ZFYVE28: variants seen among roughly 807,000 people sequenced by gnomAD.
ZFYVE28 encodes the protein zinc finger FYVE-type containing 28, also known as lateral signaling target protein 2 homolog.
Under a neutral mutation model 82.1 loss-of-function variants are expected in ZFYVE28, and 40 were observed. That is an observed-to-expected ratio of 0.49 (90% CI 0.38 to 0.63). The LOEUF is 0.63. ZFYVE28 is among the 30% of genes least tolerant of loss of function. ZFYVE28 has a pLI of 0.00. For missense variants in ZFYVE28, 1,321 were observed against 1,242.1 expected (o/e 1.06, Z -0.96); for synonymous variants, 612 against 546.1 (o/e 1.12, Z -1.68).
At chr4:2,303,113 A>G (rs1715850145) in intron 8 of ZFYVE28, among the ~76,000 whole-genome samples, 1 of 152,178 alleles carries the variant, frequency 6.6e-6, no homozygotes, top group Non-Finnish European at 1.5e-5. Context: ...ACCGGGAACC[A>G]GGCCCAGCCC....
intron 1 of ZFYVE28, among the ~76,000 whole-genome samples, chr4:2,358,641 T>C (rs1725684166): frequency 6.6e-6 from 1 of 152,194 alleles, no homozygotes; most frequent in Non-Finnish European, 1.5e-5. Context: ...CTGCCAGGCC[T>C]GCTCACTGGT....
At chr4:2,374,822 T>C (rs1296086579) in intron 1 of ZFYVE28, among the ~76,000 whole-genome samples, 2 of 152,224 alleles carry the variant, frequency 1.3e-5, no homozygotes, top group African/African-American at 2.4e-5. Flanking sequence ...TTGATGTTCT[T>C]TCTAGAAAGT....
At chr4:2,333,477 A>G (rs1721055908) in intron 6 of ZFYVE28, among the ~76,000 whole-genome samples, 1 of 151,868 alleles carries the variant, frequency 6.6e-6, no homozygotes, top group Admixed American at 6.6e-5. Context: ...GTACTCGGGC[A>G]AACACGGGCA....
At chr4:2,375,040 T>G (rs771196099) in intron 1 of ZFYVE28, among the ~76,000 whole-genome samples, 1 of 152,168 alleles carries the variant, frequency 6.6e-6, no homozygotes, top group African/African-American at 2.4e-5. Flanking sequence ...CTTATGAAAG[T>G]GTAAACTCAG....
chr4:2,316,804 T>C (rs1240274695), intron 7 of ZFYVE28, among the ~76,000 whole-genome samples: 1 of 151,282 alleles, frequency 6.6e-6, no homozygotes, highest in African/African-American at 2.4e-5. Context: ...GCAATTCTCC[T>C]GCCTCAGCCT....
intron 8 of ZFYVE28, chr4:2,287,407 T>G (rs1712918116): frequency 6.6e-6 from 1 of 152,274 alleles, no homozygotes; most frequent in South Asian, 2.1e-4. Flanking sequence ...GCAGTGCAGA[T>G]GCAGCAAGGG....
At chr4:2,349,583 T>C (rs6831690) in intron 2 of ZFYVE28, among the ~76,000 whole-genome samples, 5,917 of 152,184 alleles carry the variant, frequency 0.039, 396 homozygotes, top group African/African-American at 0.13. Flanking sequence ...TTCAATGATA[T>C]AACTGAGTGC....
chr4:2,390,107 T>A (rs913694408), intron 1 of ZFYVE28, among the ~76,000 whole-genome samples: 1 of 152,150 alleles, frequency 6.6e-6, no homozygotes, highest in African/African-American at 2.4e-5. Context: ...TGAGAGGGCA[T>A]GAAATCCAAT....
chr4:2,304,148 C>T, intron 8 of ZFYVE28, 141 bp downstream of exon 8: 4 of 1,111,698 alleles, frequency 3.6e-6, no homozygotes, highest in South Asian at 3.5e-5. Context: ...ACACACAGAC[C>T]CCACACTCGG....
At position 2,270,705 on chromosome 4, in the gene ZFYVE28, G is replaced by C. The variant is rs772826561; in HGVS notation, c.*20C>G. The C allele has an allele frequency of 6.2e-7, 1 of 1,612,578 alleles. No individual in the cohort carries two copies. The highest frequency in any genetic ancestry group is 8.5e-7 in the Non-Finnish European group (1 of 1,179,808). ...GGGGGTTCCTGGCCCGGGTGGGTTGGGGCTGCCCCTGGCACCACGTCACAG... is the reference window on the plus strand; with the variant it reads ...GGGGGTTCCTGGCCCGGGTGGGTTGCGGCTGCCCCTGGCACCACGTCACAG... On this transcript the variant is annotated 3_prime_UTR_variant, in exon 13 of 13. Coordinates refer to ENST00000290974, the MANE Select transcript of ZFYVE28 (RefSeq NM_020972.3).
In ZFYVE28 at chr4:2,417,467, C is replaced by T. The variant is rs1455543598; in HGVS notation, c.39+818G>A. 6.6e-6 allele frequency among the ~76,000 whole-genome samples: 1 copy of T among 150,638 alleles called. No individual in the cohort carries two copies. Among genetic ancestry groups the T allele is most frequent in the Non-Finnish European group, 1.5e-5 (1 of 67,564 alleles). On this transcript the variant is annotated intron_variant, in intron 1 of 12. Coordinates refer to ENST00000290974, the MANE Select transcript of ZFYVE28 (RefSeq NM_020972.3). The surrounding 1 kb of genome is among the most constrained non-coding windows in gnomAD (Gnocchi z 4.8). The stretch of plus-strand genomic sequence containing the variant: ...ACGGGGCGCGCCGCCCGGACCCCGA[C>T]CCCGCGGCGCTAGGAGAGGCGCGGG...
chr4:2,330,221 C>G (rs1219481412), intron 6 of ZFYVE28: 10 of 949,608 alleles, frequency 1.1e-5, no homozygotes, highest in Non-Finnish European at 1.3e-5. Context: ...TCTGAATGTA[C>G]CAAAAACGAC....
Position 2,339,760 on chromosome 4 carries a change from C to T in ZFYVE28, c.319-105G>A. On this transcript the variant is annotated intron_variant, in intron 3 of 12. Transcript: ENST00000290974. This position sits in a 1 kb window ranked among gnomAD's most constrained non-coding sequence, Gnocchi z 5.0. ...GCGCACCTCGGGGCCCCTCTTCTCACCCCACAGCACAGGCCAGCTCGTGTT... is the reference window on the plus strand; with the variant it reads ...GCGCACCTCGGGGCCCCTCTTCTCATCCCACAGCACAGGCCAGCTCGTGTT... 2 of 1,000,432 alleles carry T rather than the reference C, an allele frequency of 2.0e-6. No individual in the cohort carries two copies. Among genetic ancestry groups the T allele is most frequent in the Non-Finnish European group, 2.9e-6 (2 of 694,244 alleles). 62.0% of individuals were successfully genotyped at this position (1,000,432 alleles called of 1,614,324 possible).
intron 1 of ZFYVE28, among the ~76,000 whole-genome samples, chr4:2,407,391 G>T (rs991414552): frequency 9.9e-5 from 15 of 151,904 alleles, no homozygotes; most frequent in Admixed American, 5.9e-4. Context: ...AGGCCCCTGT[G>T]AGGTTGCAGC....
rs751404518 is a variant in ZFYVE28, at chr4:2,308,688, A to AG, written c.804-3153_804-3152insC. 4.5e-3 allele frequency among the ~76,000 whole-genome samples: 579 copies of AG among 127,892 alleles called. 4 individuals carry two copies. Among genetic ancestry groups the AG allele is most frequent in the African/African-American group, 0.017 (532 of 31,332 alleles). The allele number at this position is 127,892 out of a possible 152,430, so 83.9% of individuals were successfully genotyped here. On this transcript the variant is annotated intron_variant, in intron 7 of 12. Transcript: ENST00000290974. ...AAGAAAGAAAGAAAGAGAAAGAAAG[A>AG]AAAGAAAAGAAAAGAAAAAAGAAAA...
intron 1 of ZFYVE28, among the ~76,000 whole-genome samples, chr4:2,393,628 T>C (rs1336783437): frequency 6.6e-6 from 1 of 152,230 alleles, no homozygotes; most frequent in Non-Finnish European, 1.5e-5. Context: ...TTTTTGACTC[T>C]ATAAAAAGGA....
chr4:2,401,586 A>T (rs1731185786), intron 1 of ZFYVE28, among the ~76,000 whole-genome samples: 1 of 152,174 alleles, frequency 6.6e-6, no homozygotes, highest in African/African-American at 2.4e-5. Context: ...TTCTGAGCCA[A>T]GGAAGAGAGT....
At chr4:2,404,304 C>T (rs180707710) in intron 1 of ZFYVE28, among the ~76,000 whole-genome samples, 889 of 18,824 alleles carry the variant, frequency 0.047, 12 homozygotes, top group African/African-American at 0.099. Context: ...AGCGAGACTC[C>T]GCCTCAAAAA....
At chr4:2,400,753 C>T (rs1440200573) in intron 1 of ZFYVE28, among the ~76,000 whole-genome samples, 2 of 152,134 alleles carry the variant, frequency 1.3e-5, no homozygotes, top group Non-Finnish European at 2.9e-5. Context: ...CGCCCTTTCA[C>T]GTTCTTCTGC....
Sources: gnomAD v4.1 joint callset for allele counts (sites outside exome capture counted in the v4.1 genomes callset) on GRCh38, gnomAD v4.1.1 for gene constraint, Gnocchi (gnomAD v3.1) non-coding constraint, MANE v1.5 for transcripts, NCBI Gene and HGNC (gene_info 2026-07-23, HGNC 2026-07-21) for gene names.